The following BCAS1 variants were observed in gnomAD, a reference collection of about 807,000 sequenced individuals.
BCAS1 encodes breast carcinoma-amplified sequence 1.
Under a neutral mutation model 65.4 loss-of-function variants are expected in BCAS1, and 46 were observed. That is an observed-to-expected ratio of 0.70 (90% confidence interval 0.55 to 0.90). BCAS1 has a LOEUF of 0.90. Among genes scored for constraint, BCAS1 ranks in the 40% least tolerant of loss-of-function variants. The probability of loss-of-function intolerance (pLI) is 0.00; values close to 1 mark genes in which losing one functional copy is unlikely to be tolerated. For synonymous variants in BCAS1, 298 were observed against 293.5 expected, an observed-to-expected ratio of 1.02 and a Z score of -0.16; for missense variants, 793 against 771.2, an observed-to-expected ratio of 1.03 and a Z score of -0.33.
chr20:53,994,976 AC>A (rs2090866753), intron 6 of BCAS1, 35 bp downstream of exon 6: 11 of 1,595,880 alleles, frequency 6.9e-6, no homozygotes, highest in Non-Finnish European at 8.6e-6. Flanking sequence ...CTATGCGCAA[AC>A]CCAAATATAT....
chr20:53,964,799 G>GT (rs10714790), intron 10 of BCAS1, among the ~76,000 whole-genome samples: 10,338 of 142,700 alleles, frequency 0.072, 1,101 homozygotes, highest in African/African-American at 0.25. Flanking sequence ...TGGTTTAGAG[G>GT]TTTTTTTTTT....
At chr20:54,048,062 G>A (rs970032367) in intron 3 of BCAS1, among the ~76,000 whole-genome samples, 13 of 152,036 alleles carry the variant, frequency 8.6e-5, no homozygotes, top group South Asian at 2.1e-4. Context: ...TAGCTTCCCC[G>A]CCTCCAGACC....
intron 1 of BCAS1, among the ~76,000 whole-genome samples, chr20:54,063,621 T>C (rs807216): frequency 0.63 from 96,155 of 152,048 alleles, 31,190 homozygotes; most frequent in African/African-American, 0.76. Context: ...ATCTTCAAGC[T>C]TTTTCCAGGA....
chr20:54,057,618 C>T (rs1164734615), intron 3 of BCAS1, among the ~76,000 whole-genome samples: 1 of 152,232 alleles, frequency 6.6e-6, no homozygotes, highest in African/African-American at 2.4e-5. Flanking sequence ...ATGCTGAAGT[C>T]CTAACCCCCT....
At chr20:54,061,899 G>A (rs370918861) in intron 1 of BCAS1, among the ~76,000 whole-genome samples, 14 of 152,298 alleles carry the variant, frequency 9.2e-5, no homozygotes, top group African/African-American at 3.4e-4. Flanking sequence ...GCGGTGGCTG[G>A]ATTCAGCTCA....
intron 3 of BCAS1, among the ~76,000 whole-genome samples, chr20:54,042,696 A>G (rs2092021459): frequency 6.6e-6 from 1 of 152,182 alleles, no homozygotes; most frequent in South Asian, 2.1e-4. Flanking sequence ...TTATCTTATT[A>G]TGTATATCGC....
chr20:54,062,921 G>A (rs1015745486), intron 1 of BCAS1, among the ~76,000 whole-genome samples: 1 of 152,206 alleles, frequency 6.6e-6, no homozygotes, highest in African/African-American at 2.4e-5. Context: ...TGGGACAAAA[G>A]CAAAAGGTTA....
intron 1 of BCAS1, among the ~76,000 whole-genome samples, chr20:54,067,693 G>A (rs1199020818): frequency 2.6e-5 from 4 of 152,178 alleles, no homozygotes; most frequent in South Asian, 2.1e-4. Context: ...CAAACCCCAT[G>A]CAAGCTGGCC....
In BCAS1 at chr20:53,985,431, C is replaced by A. The variant is rs201608811; in HGVS notation, c.1131G>T (p.Glu377Asp). ...TGGAATTCTTGCCAGCCCCTTGGGTCTCCTGGGATGTAAAGTTGGCTTTGT... is the reference window on the plus strand; with the variant it reads ...TGGAATTCTTGCCAGCCCCTTGGGTATCCTGGGATGTAAAGTTGGCTTTGT... ...KSDKANFTSQETQGAGKNSKG... is the reference protein window; with the variant it reads ...KSDKANFTSQDTQGAGKNSKG... Residue 377 changes from glutamate (E) to aspartate (D), a missense_variant, in exon 8 of 13, where the codon GAG (glutamate) becomes GAT (aspartate). Coordinates refer to ENST00000688948, the MANE Select transcript of BCAS1 (RefSeq NM_001366298.2). 1.2e-6 allele frequency: 2 copies of A among 1,613,838 alleles called. No individual in the cohort carries two copies. Among genetic ancestry groups the A allele is most frequent in the East Asian group, 4.5e-5 (2 of 44,876 alleles).
At chr20:54,029,181 G>C in intron 3 of BCAS1, 1 of 985,368 alleles carries the variant, frequency 1.0e-6, no homozygotes. Flanking sequence ...TGGTGAGGAG[G>C]GAAAGCTACT....
intron 6 of BCAS1, among the ~76,000 whole-genome samples, chr20:53,993,465 C>G (rs982886646): frequency 2.6e-5 from 4 of 152,144 alleles, no homozygotes; most frequent in African/African-American, 9.7e-5. Context: ...TTCACAAAAC[C>G]CGCTTTTGAG....
At chr20:54,031,683 C>T (rs2091803851) in intron 3 of BCAS1, among the ~76,000 whole-genome samples, 1 of 151,334 alleles carries the variant, frequency 6.6e-6, no homozygotes, top group Non-Finnish European at 1.5e-5. Flanking sequence ...CATTTAGATC[C>T]AGCTGTGCCT....
intron 10 of BCAS1, among the ~76,000 whole-genome samples, chr20:53,965,974 G>A (rs1362740645): frequency 6.6e-6 from 1 of 152,142 alleles, no homozygotes; most frequent in Admixed American, 6.5e-5. Context: ...CCGAAAAAAA[G>A]AAATAGATGT....
chr20:53,955,427 A>G (rs1051270237), intron 11 of BCAS1, among the ~76,000 whole-genome samples: 2 of 152,252 alleles, frequency 1.3e-5, no homozygotes, highest in African/African-American at 4.8e-5. Flanking sequence ...AATGAAACAG[A>G]AACTCTCACC....
chr20:53,975,755 T>G (rs1027992669), intron 8 of BCAS1, among the ~76,000 whole-genome samples: 4 of 152,164 alleles, frequency 2.6e-5, no homozygotes, highest in African/African-American at 9.7e-5. Context: ...TTATATTTTT[T>G]AGTAGTTGAT....
In BCAS1 at chr20:53,955,567, T is replaced by G. The variant is rs377162103; in HGVS notation, c.1551+1865A>C. On this transcript the variant is annotated intron_variant, in intron 11 of 12. Coordinates refer to ENST00000688948, the MANE Select transcript of BCAS1 (RefSeq NM_001366298.2). ...CTCAGTGTCTGGAGTCAGAAGGACC[T>G]GGTTTGTTTCTAATTCCACCATAAC... is the stretch of plus-strand genomic sequence containing the variant. Among the ~76,000 whole-genome samples the G allele has an allele frequency of 7.9e-5, 12 of 152,344 alleles. 1 individual carries two copies. The highest frequency in any genetic ancestry group is 3.8e-4 in the East Asian group (2 of 5,196).
In BCAS1 at chr20:54,059,043, G is replaced by A. The variant is rs55998474; in HGVS notation, c.-5-320C>T. On this transcript the variant is annotated intron_variant, in intron 1 of 12. Coordinates refer to ENST00000688948, the MANE Select transcript of BCAS1 (RefSeq NM_001366298.2). ...AGTGCGAGCTGGGGAAATGCCAGATGCTTATAAAACCATCAGATCTCGCGA... is the reference window on the plus strand; with the variant it reads ...AGTGCGAGCTGGGGAAATGCCAGATACTTATAAAACCATCAGATCTCGCGA... 5.1e-3 allele frequency among the ~76,000 whole-genome samples: 782 copies of A among 152,266 alleles called. 8 individuals carry two copies. Among genetic ancestry groups the A allele is most frequent in the African/African-American group, 0.017 (693 of 41,536 alleles).
chr20:54,037,414 G>A (rs967202555), intron 3 of BCAS1, among the ~76,000 whole-genome samples: 1 of 151,268 alleles, frequency 6.6e-6, no homozygotes, highest in East Asian at 1.9e-4. Context: ...TGACACGTGG[G>A]GATTATGGGG....
At chr20:54,066,095 C>A (rs1367220625) in intron 1 of BCAS1, among the ~76,000 whole-genome samples, 1 of 145,620 alleles carries the variant, frequency 6.9e-6, no homozygotes, top group Non-Finnish European at 1.5e-5. Flanking sequence ...TTTTTTGAGG[C>A]GAAGTCTGGC....
Sources: allele counts gnomAD v4.1 joint callset (sites outside exome capture counted in the v4.1 genomes callset), GRCh38; gene constraint gnomAD v4.1.1; transcripts MANE v1.5; gene names NCBI Gene and HGNC (gene_info 2026-07-23, HGNC 2026-07-21).